SLC25A21: variants seen among roughly 807,000 people sequenced by gnomAD.
The protein encoded by SLC25A21 is solute carrier family 25 member 21.
SLC25A21 carries 47 observed loss-of-function variants against 43.8 expected under a neutral mutation model. The ratio of observed to expected loss-of-function variants is 1.07; its 90% confidence interval spans 0.85 to 1.37. The LOEUF is 1.37. Ranked by LOEUF, SLC25A21 falls within the 40% of genes most tolerant of loss-of-function variation. SLC25A21 has a pLI of 0.00. For missense variants in SLC25A21, 352 were observed against 350.2 expected, an observed-to-expected ratio of 1.00 and a Z score of -0.04; for synonymous variants, 131 against 121.3, an observed-to-expected ratio of 1.08 and a Z score of -0.52.
intron 9 of SLC25A21, among the ~76,000 whole-genome samples, chr14:36,682,230 G>GTCT (rs1198129303): frequency 6.7e-6 from 1 of 149,700 alleles, no homozygotes; most frequent in Non-Finnish European, 1.5e-5. Context: ...TCATTCAAAA[G>GTCT]TCTTAATCTT....
intron 7 of SLC25A21, among the ~76,000 whole-genome samples, chr14:36,686,484 C>G (rs902744742): frequency 6.6e-6 from 1 of 152,134 alleles, no homozygotes; most frequent in Non-Finnish European, 1.5e-5. Context: ...TCTGATGAGT[C>G]ACTGAATCAC....
At chr14:36,943,482 C>T (rs763164901) in intron 1 of SLC25A21, among the ~76,000 whole-genome samples, 32 of 152,164 alleles carry the variant, frequency 2.1e-4, no homozygotes, top group Non-Finnish European at 4.0e-4. Context: ...CATAAGTCAC[C>T]GCACCTGGCC....
At chr14:37,002,793 A>G (rs1018935907) in intron 1 of SLC25A21, among the ~76,000 whole-genome samples, 1 of 152,228 alleles carries the variant, frequency 6.6e-6, no homozygotes, top group Non-Finnish European at 1.5e-5. Flanking sequence ...GGGCTAGTCC[A>G]TGATATTCTG....
At chr14:36,744,039 T>C (rs1241910372) in intron 3 of SLC25A21, among the ~76,000 whole-genome samples, 2 of 152,014 alleles carry the variant, frequency 1.3e-5, no homozygotes, top group Non-Finnish European at 2.9e-5. Flanking sequence ...GAATCATAGA[T>C]GACACAAACA....
At chr14:37,005,820 C>T (rs1960590770) in intron 1 of SLC25A21, among the ~76,000 whole-genome samples, 1 of 152,146 alleles carries the variant, frequency 6.6e-6, no homozygotes, top group African/African-American at 2.4e-5. Context: ...ATGTACTTGC[C>T]TATGAATGTG....
intron 3 of SLC25A21, among the ~76,000 whole-genome samples, chr14:36,766,946 A>G (rs1034617551): frequency 2.6e-5 from 4 of 152,200 alleles, no homozygotes; most frequent in Non-Finnish European, 5.9e-5. Flanking sequence ...ACTGCGGTCA[A>G]TATCTCCAAC....
chr14:36,859,428 G>A (rs767818426), intron 2 of SLC25A21, among the ~76,000 whole-genome samples: 15 of 152,180 alleles, frequency 9.9e-5, no homozygotes, highest in Non-Finnish European at 2.1e-4. Flanking sequence ...GGCTCATGAA[G>A]CCCACTTGTC....
At chr14:36,915,784 C>T (rs1323821972) in intron 1 of SLC25A21, among the ~76,000 whole-genome samples, 1 of 152,168 alleles carries the variant, frequency 6.6e-6, no homozygotes, top group Admixed American at 6.6e-5. Flanking sequence ...AGCCAAATTA[C>T]ACGCTATATG....
chr14:36,815,974 C>T (rs1037300172), intron 2 of SLC25A21, among the ~76,000 whole-genome samples: 40 of 152,098 alleles, frequency 2.6e-4, no homozygotes, highest in African/African-American at 4.3e-4. Flanking sequence ...ATGATATGAA[C>T]GCAACGTCTA....
rs1363376933 is a variant in SLC25A21 at position 36,680,111 on chromosome 14, A to AAAATT, written c.*542_*546dup. 1.1e-6 allele frequency: 1 copy of AAAATT among 879,358 alleles called. No homozygotes were observed. Among genetic ancestry groups the AAAATT allele is most frequent in the Non-Finnish European group, 1.4e-6 (1 of 734,442 alleles). The allele number at this position is 879,358 out of a possible 1,614,324, so 54.5% of individuals were successfully genotyped here. ...ATTTACATTTTAACATAGTATTCAT[A>AAAATT]AAATTAAACATTCTTAAAAGGTCAT... On this transcript the variant is annotated 3_prime_UTR_variant, in exon 10 of 10. Coordinates refer to ENST00000331299, the MANE Select transcript of SLC25A21 (RefSeq NM_030631.4).
rs145774180 is a variant in SLC25A21 at position 36,987,524 on chromosome 14, T to C, written c.71-112520A>G. Among the ~76,000 whole-genome samples, 707 of 152,338 alleles carry C rather than the reference T, an allele frequency of 4.6e-3. 10 individuals are homozygous for C. Among genetic ancestry groups the C allele is most frequent in the African/African-American group, 0.016 (658 of 41,586 alleles). ...CTAACACTTACATGGTTTATTTTCA[T>C]AGCTGAGATCATACCGTACAGTTCT... On this transcript the variant is annotated intron_variant, in intron 1 of 9. Coordinates refer to ENST00000331299, the MANE Select transcript of SLC25A21 (RefSeq NM_030631.4).
intron 3 of SLC25A21, among the ~76,000 whole-genome samples, chr14:36,798,958 T>C (rs1014728011): frequency 4.0e-5 from 6 of 150,718 alleles, no homozygotes; most frequent in Non-Finnish European, 7.4e-5. Context: ...ACAAACGAGA[T>C]TAAAATAGGA....
intron 2 of SLC25A21, among the ~76,000 whole-genome samples, chr14:36,843,527 T>G (rs146128377): frequency 6.6e-6 from 1 of 152,220 alleles, no homozygotes; most frequent in Non-Finnish European, 1.5e-5. Context: ...ACATTTGCCA[T>G]GCATTTTTCT....
intron 3 of SLC25A21, among the ~76,000 whole-genome samples, chr14:36,744,941 T>C (rs1023280145): frequency 2.0e-5 from 3 of 152,054 alleles, no homozygotes; most frequent in South Asian, 4.2e-4. Flanking sequence ...ACATGTGCCA[T>C]GTTGGTTTGC....
intron 2 of SLC25A21, among the ~76,000 whole-genome samples, chr14:36,825,054 A>T: frequency 6.6e-6 from 1 of 152,282 alleles, no homozygotes; most frequent in East Asian, 1.9e-4. Context: ...ACGTGATCTC[A>T]TGTGATCTCT....
chr14:37,074,358 T>G (rs1962235383), intron 1 of SLC25A21, among the ~76,000 whole-genome samples: 1 of 152,214 alleles, frequency 6.6e-6, no homozygotes, highest in Non-Finnish European at 1.5e-5. Flanking sequence ...TTGATGGAAT[T>G]AGAAATCATG....
intron 9 of SLC25A21, among the ~76,000 whole-genome samples, chr14:36,681,926 T>G (rs1882285137): frequency 6.6e-6 from 1 of 152,360 alleles, no homozygotes; most frequent in African/African-American, 2.4e-5. Context: ...AGGTAATCGC[T>G]GCATTTATTC....
At chr14:36,782,293 T>G (rs1015971197) in intron 3 of SLC25A21, among the ~76,000 whole-genome samples, 2 of 152,240 alleles carry the variant, frequency 1.3e-5, no homozygotes, top group African/African-American at 2.4e-5. Context: ...GGGAAGTTAT[T>G]AGTCATTATT....
At chr14:36,941,841 T>C (rs1396966144) in intron 1 of SLC25A21, among the ~76,000 whole-genome samples, 1 of 152,038 alleles carries the variant, frequency 6.6e-6, no homozygotes, top group Non-Finnish European at 1.5e-5. Flanking sequence ...GTGTCTTTAT[T>C]TGAAATATTC....
Sources: allele counts gnomAD v4.1 joint callset (sites outside exome capture counted in the v4.1 genomes callset), GRCh38; gene constraint gnomAD v4.1.1; transcripts MANE v1.5; gene names NCBI Gene and HGNC (gene_info 2026-07-23, HGNC 2026-07-21).